The following SLC17A1 variants were observed in gnomAD, a reference collection of about 807,000 sequenced individuals.
SLC17A1 encodes the protein sodium-dependent phosphate transport protein 1.
A neutral mutation model predicts 53.5 loss-of-function variants in SLC17A1; 51 were observed. The observed-to-expected ratio is 0.95, with a 90% confidence interval of 0.76 to 1.20. The LOEUF (loss-of-function observed/expected upper bound fraction) is 1.20, where lower values mean the gene tolerates loss of function less well. SLC17A1 is among the 50% of genes most tolerant of loss of function. SLC17A1 has a pLI of 0.00. For missense variants in SLC17A1, 538 were observed against 568.2 expected (o/e 0.95, Z 0.54); for synonymous variants, 179 against 198.8 (o/e 0.90, Z 0.84).
chr6:25,727,359 A>G, the SLC17A1 span: 2 of 1,381,754 alleles, frequency 1.4e-6, no homozygotes, highest in Non-Finnish European at 2.0e-6. Flanking sequence ...ATACTGAAAC[A>G]GCTGTGGGCT....
the SLC17A1 span, chr6:25,769,294 T>C: frequency 9.3e-7 from 1 of 1,077,040 alleles, no homozygotes; most frequent in Non-Finnish European, 1.3e-6. Context: ...TTACTGAACA[T>C]GTACTATGTG....
chr6:25,778,129 A>C (rs1257126581), downstream of SLC17A1: 6 of 659,234 alleles, frequency 9.1e-6, no homozygotes, highest in Non-Finnish European at 1.5e-5. Context: ...GTCAAAAATA[A>C]ACTAATTTAC....
At chr6:25,733,403 C>A in the SLC17A1 span, among the ~76,000 whole-genome samples, 1 of 152,060 alleles carries the variant, frequency 6.6e-6, no homozygotes, top group East Asian at 1.9e-4. Context: ...GGACATCAGT[C>A]AAGGAATGGG....
chr6:25,727,276 A>T, the SLC17A1 span: 4 of 1,604,004 alleles, frequency 2.5e-6, no homozygotes, highest in Non-Finnish European at 3.4e-6. Flanking sequence ...GTCACTAAGT[A>T]CACCAGCTCC....
At chr6:25,772,627 T>C in the SLC17A1 span, among the ~76,000 whole-genome samples, 2 of 152,220 alleles carry the variant, frequency 1.3e-5, no homozygotes, top group Non-Finnish European at 2.9e-5. Context: ...TCATTTCATA[T>C]CTACAAATTG....
At chr6:25,744,631 T>TA in the SLC17A1 span, among the ~76,000 whole-genome samples, 2 of 152,164 alleles carry the variant, frequency 1.3e-5, no homozygotes, top group African/African-American at 2.4e-5. Flanking sequence ...TTTATGTCAA[T>TA]ACTATCTGAA....
chr6:25,785,118 C>T (rs1372726397), intron 12 of SLC17A1, among the ~76,000 whole-genome samples: 1 of 151,732 alleles, frequency 6.6e-6, no homozygotes, highest in Non-Finnish European at 1.5e-5. Flanking sequence ...AATGAGCCAT[C>T]CAAAAATGAA....
chr6:25,819,933 A>C lies in SLC17A1; in HGVS notation c.208-18T>G. On this transcript the variant is annotated intron_variant, in intron 3 of 12. Transcript: ENST00000244527. The stretch of plus-strand genomic sequence containing the variant: ...ATAGGGTTCTAAAAGACAAGGGGGG[A>C]CATGTCGAATCACTCTGCATATCAG... 1 of 1,521,018 alleles carries C rather than the reference A, an allele frequency of 6.6e-7. No individual in the cohort carries two copies. Among genetic ancestry groups the C allele is most frequent in the Non-Finnish European group, 9.0e-7 (1 of 1,107,448 alleles). The allele number at this position is 1,521,018 out of a possible 1,614,324, so 94.2% of individuals were successfully genotyped here.
At chr6:25,822,869 A>G (rs1269921165) in intron 3 of SLC17A1, among the ~76,000 whole-genome samples, 1 of 152,072 alleles carries the variant, frequency 6.6e-6, no homozygotes, top group Non-Finnish European at 1.5e-5. Context: ...AACTGTATCT[A>G]TATATATATT....
chr6:25,790,085 A>G (rs143525810), intron 12 of SLC17A1, among the ~76,000 whole-genome samples: 1 of 152,244 alleles, frequency 6.6e-6, no homozygotes, highest in Non-Finnish European at 1.5e-5. Context: ...GTACCTTGAG[A>G]TTTTTTTCAA....
intron 12 of SLC17A1, among the ~76,000 whole-genome samples, chr6:25,794,351 T>A (rs1763561185): frequency 6.6e-6 from 1 of 152,188 alleles, no homozygotes; most frequent in Non-Finnish European, 1.5e-5. Flanking sequence ...CATGTTATCA[T>A]AAACATACTT....
At chr6:25,808,116 A>C (rs928185138) in intron 10 of SLC17A1, among the ~76,000 whole-genome samples, 2 of 151,986 alleles carry the variant, frequency 1.3e-5, no homozygotes, top group Non-Finnish European at 2.9e-5. Flanking sequence ...CACCACACCC[A>C]TGCCAACATC....
chr6:25,731,939 G>A, the SLC17A1 span: 123 of 1,600,406 alleles, frequency 7.7e-5, no homozygotes, highest in Non-Finnish European at 1.0e-4. Context: ...AAGCCTCACA[G>A]GCAATGCGCT....
the SLC17A1 span, chr6:25,769,176 G>T: frequency 2.5e-6 from 4 of 1,613,776 alleles, no homozygotes; most frequent in African/African-American, 1.3e-5. Flanking sequence ...AACTCTAAAA[G>T]AATTTAAAGC....
At chr6:25,821,083 TTC>T (rs1764542744) in intron 3 of SLC17A1, among the ~76,000 whole-genome samples, 1 of 152,136 alleles carries the variant, frequency 6.6e-6, no homozygotes, top group Non-Finnish European at 1.5e-5. Context: ...TTTCTAAACT[TTC>T]TCTGTTACTT....
At chr6:25,727,705 G>A in the SLC17A1 span, among the ~76,000 whole-genome samples, 2 of 152,144 alleles carry the variant, frequency 1.3e-5, no homozygotes, top group South Asian at 4.2e-4. Context: ...GCTGTGGGCC[G>A]AGGGTAGACG....
chr6:25,831,414 A>G (rs1308613339), intron 1 of SLC17A1, among the ~76,000 whole-genome samples: 2 of 152,178 alleles, frequency 1.3e-5, no homozygotes, highest in East Asian at 3.8e-4. Context: ...TCATTATCAC[A>G]CATTGGAACC....
intron 12 of SLC17A1, among the ~76,000 whole-genome samples, chr6:25,791,178 T>A (rs1763492723): frequency 6.6e-6 from 1 of 152,210 alleles, no homozygotes; most frequent in Non-Finnish European, 1.5e-5. Context: ...CATTGAGTAC[T>A]GTTATAACTA....
downstream of SLC17A1, chr6:25,779,025 G>A (rs558071421): frequency 4.3e-5 from 70 of 1,612,234 alleles, no homozygotes; most frequent in Non-Finnish European, 5.3e-5. Context: ...TTGGGTGACC[G>A]TTAATAACTT....
Sources: allele counts gnomAD v4.1 joint callset (sites outside exome capture counted in the v4.1 genomes callset), GRCh38; gene constraint gnomAD v4.1.1; transcripts MANE v1.5; gene names NCBI Gene and HGNC (gene_info 2026-07-23, HGNC 2026-07-21).